DNAH10: variants seen among roughly 807,000 people sequenced by gnomAD.
DNAH10 encodes axonemal beta dynein heavy chain 10.
DNAH10 carries 348 observed loss-of-function variants against 506.6 expected under a neutral mutation model. That is an observed-to-expected ratio of 0.69 (90% CI 0.63 to 0.75). The LOEUF is 0.75. Among genes scored for constraint, DNAH10 ranks in the 30% least tolerant of loss-of-function variants. The pLI is 0.00. For missense variants in DNAH10, 5,179 were observed against 5,787.1 expected (o/e 0.89, Z 3.41); for synonymous variants, 2,059 against 2,198.6 (o/e 0.94, Z 1.78).
At position 123,813,642 on chromosome 12, in the gene DNAH10, T is replaced by C; in HGVS notation, c.3621+2T>C. The C allele has an allele frequency of 6.2e-7, 1 of 1,613,840 alleles. No individual in the cohort carries two copies. Among genetic ancestry groups the C allele is most frequent in the Non-Finnish European group, 8.5e-7 (1 of 1,179,772 alleles). ...TATAATCTCCATGAAGAGATGGAGG[T>C]ACTCAATCGCTGTGTGTAATTGAAA... On this transcript the variant is annotated splice_donor_variant, in intron 20 of 78. Transcript: ENST00000673944. LOFTEE classifies it high-confidence loss of function.
At position 123,935,459 on chromosome 12, in the gene DNAH10, G is replaced by T; in HGVS notation, c.13748G>T (p.Cys4583Phe). The change falls in exon 79 of 79, where the codon TGC (cysteine) becomes TTC (phenylalanine). Residue 4583 changes from cysteine to phenylalanine, a missense_variant. By Grantham distance (205) the Cys-to-Phe change is radical (BLOSUM62 -2). This residue lies in a region of DNAH10 where 4,844 missense variants were observed against 5,430.5 expected (regional missense o/e 0.89). Coordinates refer to ENST00000673944, the MANE Select transcript of DNAH10 (RefSeq NM_001372106.1). ...TCTCACTGGGTGCTGCAAGGAGTAT[G>T]CCTCACCCTGAATTCTGATTAACCT... ...HISHWVLQGV[C>F]LTLNSD is the part of the protein sequence containing the mutation. 6.3e-7 allele frequency: 1 copy of T among 1,595,318 alleles called. No homozygotes were observed. Among genetic ancestry groups the T allele is most frequent in the Non-Finnish European group, 8.6e-7 (1 of 1,164,354 alleles).
At chr12:123,817,188 C>A (rs1005591552) in intron 21 of DNAH10, among the ~76,000 whole-genome samples, 5 of 113,106 alleles carry the variant, frequency 4.4e-5, no homozygotes, top group Middle Eastern at 5.2e-3. Flanking sequence ...TAACTAGGTT[C>A]TTTTGTTTTG....
chr12:123,825,790 G>T (rs1959920317), intron 24 of DNAH10, among the ~76,000 whole-genome samples: 1 of 152,114 alleles, frequency 6.6e-6, no homozygotes, highest in Non-Finnish European at 1.5e-5. Context: ...CTTTAGTTAT[G>T]GACAGCTTAT....
chr12:123,914,916 G>T lies in DNAH10; in HGVS notation c.10639G>T (p.Ala3547Ser). The T allele has an allele frequency of 6.2e-7, 1 of 1,612,416 alleles. No individual in the cohort carries two copies. Among genetic ancestry groups the T allele is most frequent in the Non-Finnish European group, 8.5e-7 (1 of 1,179,518 alleles). The change falls in exon 62 of 79, where the codon GCC (alanine) becomes TCC (serine). Residue 3547 changes from alanine (A) to serine (S), a missense_variant. Physicochemically the swap from Ala to Ser is moderately conservative, Grantham distance 99. Coordinates refer to ENST00000673944, the MANE Select transcript of DNAH10 (RefSeq NM_001372106.1). ...SVQNGILTTR[A>S]SRFPLCIDPQ... ...TCAGAATGGCATCCTCACCACCCGG[G>T]CCAGCCGCTTCCCTCTGTGTATCGA...
At chr12:123,840,560 G>T (rs1466561518) in intron 29 of DNAH10, among the ~76,000 whole-genome samples, 1 of 151,818 alleles carries the variant, frequency 6.6e-6, no homozygotes, top group Non-Finnish European at 1.5e-5. Context: ...ATGAGCTATT[G>T]TGCCTGGCCT....
chr12:123,882,339 A>C (rs1405566972), intron 51 of DNAH10: 1 of 152,456 alleles, frequency 6.6e-6, no homozygotes, highest in Admixed American at 6.5e-5. Context: ...CACAGCCTGC[A>C]CACACAGATC....
chr12:123,811,228 G>A (rs1043946202), intron 19 of DNAH10, among the ~76,000 whole-genome samples: 20 of 152,118 alleles, frequency 1.3e-4, no homozygotes, highest in African/African-American at 4.8e-4. Flanking sequence ...AGTGCGTGCT[G>A]TTGGGAGGAT....
intron 6 of DNAH10, among the ~76,000 whole-genome samples, chr12:123,782,771 T>C (rs1957712532): frequency 6.6e-6 from 1 of 152,142 alleles, no homozygotes; most frequent in South Asian, 2.1e-4. Context: ...CCCTGATTTA[T>C]CTTTGACTGA....
At chr12:123,854,612 A>G (rs1432158309) in intron 36 of DNAH10, among the ~76,000 whole-genome samples, 1 of 152,238 alleles carries the variant, frequency 6.6e-6, no homozygotes, top group Non-Finnish European at 1.5e-5. Flanking sequence ...CTCCTTTTCT[A>G]GGAGGAAAAT....
At chr12:123,783,626 A>G (rs550290403) in intron 7 of DNAH10, among the ~76,000 whole-genome samples, 13 of 152,192 alleles carry the variant, frequency 8.5e-5, no homozygotes, top group Non-Finnish European at 1.5e-4. Flanking sequence ...GGCTCTGGCT[A>G]TATTTCTGAA....
chr12:123,796,965 G>C, intron 13 of DNAH10, 133 bp downstream of exon 13: 2 of 735,566 alleles, frequency 2.7e-6, no homozygotes, highest in Non-Finnish European at 4.1e-6. Context: ...CCGCCTCCCA[G>C]GTTCAAGCGA....
intron 1 of DNAH10, among the ~76,000 whole-genome samples, chr12:123,764,857 G>A (rs1337119894): frequency 6.6e-6 from 1 of 152,140 alleles, no homozygotes; most frequent in African/African-American, 2.4e-5. Context: ...CAAAGCTGCC[G>A]ATTCTGGAGG....
chr12:123,921,690 AGTTTT>A, intron 65 of DNAH10, among the ~76,000 whole-genome samples: 1 of 98,272 alleles, frequency 1.0e-5, no homozygotes, highest in African/African-American at 4.0e-5. Flanking sequence ...TGTAGCTTGC[AGTTTT>A]TTTTTTTTTT....
In DNAH10 at chr12:123,926,455, C is replaced by T; in HGVS notation, c.11922-182C>T. On this transcript the variant is annotated intron_variant, in intron 68 of 78. Coordinates refer to ENST00000673944, the MANE Select transcript of DNAH10 (RefSeq NM_001372106.1). This position sits in a 1 kb window ranked among gnomAD's most constrained non-coding sequence, Gnocchi z 4.1. ...AAGTCCCTGCCACTCAGGAGTTCCCCATCAGGGTGGGAGACGTGCATAGAA... is the reference window on the plus strand; with the variant it reads ...AAGTCCCTGCCACTCAGGAGTTCCCTATCAGGGTGGGAGACGTGCATAGAA... 1 of 613,436 alleles carries T rather than the reference C, an allele frequency of 1.6e-6. No homozygotes were observed. Among genetic ancestry groups the T allele is most frequent in the South Asian group, 2.6e-5 (1 of 38,556 alleles). The allele number at this position is 613,436 out of a possible 1,614,324, so 38.0% of individuals were successfully genotyped here. A position where few individuals can be genotyped will look rare whatever the true frequency, so the allele number is the denominator to read the frequency against.
chr12:123,788,602 G>C (rs942762465), intron 10 of DNAH10, among the ~76,000 whole-genome samples: 77 of 152,110 alleles, frequency 5.1e-4, no homozygotes, highest in African/African-American at 1.8e-3. Context: ...GATGCCCTGT[G>C]CTCAAAGACA....
intron 28 of DNAH10, among the ~76,000 whole-genome samples, chr12:123,838,180 C>CA (rs137998108): frequency 0.11 from 16,077 of 152,060 alleles, 986 homozygotes; most frequent in East Asian, 0.17. Flanking sequence ...GTGAACAAAA[C>CA]AAAAAAATCC....
intron 57 of DNAH10, among the ~76,000 whole-genome samples, chr12:123,905,628 CT>C (rs79348271): frequency 7.0e-4 from 100 of 143,510 alleles, no homozygotes; most frequent in Admixed American, 6.3e-4. Context: ...TGAAGCTGGC[CT>C]TTTTTTTTTT....
chr12:123,774,178 G>A lies in DNAH10; in HGVS notation c.535G>A (p.Glu179Lys), dbSNP rs76176317. 3.4e-4 allele frequency: 543 copies of A among 1,611,382 alleles called. 7 individuals carry two copies. In the East Asian group the frequency reaches 0.012, roughly 35 times the overall value. ...EAISEATDMK[E>K]AMEIMPETLE... Reference sequence around the variant, plus strand: ...AATCTCTGAAGCTACCGACATGAAGGAAGCTATGGAAATTATGCCAGAAAC... The same window carrying A: ...AATCTCTGAAGCTACCGACATGAAGAAAGCTATGGAAATTATGCCAGAAAC... Residue 179 changes from glutamate (E) to lysine (K), a missense_variant, in exon 5 of 79, where the codon GAA (glutamate) becomes AAA (lysine). This residue lies in a region of DNAH10 where 326 missense variants were observed against 330.8 expected (regional missense o/e 0.99). Coordinates refer to ENST00000673944, the MANE Select transcript of DNAH10 (RefSeq NM_001372106.1).
At chr12:123,784,205 T>C (rs776012777) in intron 8 of DNAH10, 28 bp downstream of exon 8, 1 of 1,589,488 alleles carries the variant, frequency 6.3e-7, no homozygotes, top group South Asian at 1.1e-5. Context: ...CACTTTGCAG[T>C]CAGCTCTGTC....
Sources: gnomAD v4.1 joint callset for allele counts (sites outside exome capture counted in the v4.1 genomes callset) on GRCh38, gnomAD v4.1.1 for gene constraint, gnomAD v4.1.1 regional missense constraint, Gnocchi (gnomAD v3.1) non-coding constraint, MANE v1.5 for transcripts, NCBI Gene and HGNC (gene_info 2026-07-23, HGNC 2026-07-21) for gene names.